Variants in PXDNL observed in about 807,000 individuals in gnomAD.
PXDNL encodes the protein peroxidasin like.
PXDNL carries 145 observed loss-of-function variants against 150.8 expected under a neutral mutation model. That is an observed-to-expected ratio of 0.96 (90% confidence interval 0.84 to 1.10). The LOEUF is 1.10. Among genes scored for constraint, PXDNL ranks in the 50% least tolerant of loss-of-function variants. PXDNL has a pLI of 0.00. For synonymous variants in PXDNL, 757 were observed against 725.7 expected (o/e 1.04, Z -0.69); for missense variants, 2,087 against 1,873.9 (o/e 1.11, Z -2.10).
intron 1 of PXDNL, among the ~76,000 whole-genome samples, chr8:51,693,858 A>C (rs1317255647): frequency 6.6e-6 from 1 of 152,228 alleles, no homozygotes; most frequent in Non-Finnish European, 1.5e-5. Context: ...ACTATAAATG[A>C]CACAAAACAT....
intron 21 of PXDNL, 109 bp downstream of exon 21, chr8:51,339,515 T>G (rs1438456954): frequency 1.7e-6 from 2 of 1,156,236 alleles, no homozygotes; most frequent in African/African-American, 3.2e-5. Context: ...TATAGGTTTT[T>G]ATTATTCTGA....
intron 17 of PXDNL, 87 bp downstream of exon 17, chr8:51,407,980 A>C: frequency 1.1e-5 from 13 of 1,203,356 alleles, no homozygotes; most frequent in Non-Finnish European, 1.5e-5. Context: ...ACCCCCAGGG[A>C]ACCAAATTCC....
intron 12 of PXDNL, among the ~76,000 whole-genome samples, chr8:51,433,813 T>C (rs1809319647): frequency 6.6e-6 from 1 of 152,190 alleles, no homozygotes. Flanking sequence ...TATATAAGAA[T>C]ATTATAAAAC....
chr8:51,334,691 C>T (rs962273680), intron 21 of PXDNL, among the ~76,000 whole-genome samples: 2 of 152,150 alleles, frequency 1.3e-5, no homozygotes, highest in African/African-American at 4.8e-5. Flanking sequence ...CTATGAACAC[C>T]TATACACATA....
chr8:51,444,751 T>A (rs1438410136), intron 12 of PXDNL, among the ~76,000 whole-genome samples: 2 of 152,140 alleles, frequency 1.3e-5, no homozygotes, highest in African/African-American at 4.8e-5. Context: ...CTATACTTTT[T>A]CTTGAATTAA....
chr8:51,803,665 T>C (rs1406032255), intron 1 of PXDNL, among the ~76,000 whole-genome samples: 2 of 152,174 alleles, frequency 1.3e-5, no homozygotes, highest in Non-Finnish European at 2.9e-5. Context: ...CCCAGCACAC[T>C]TTGGAGTTGT....
intron 1 of PXDNL, among the ~76,000 whole-genome samples, chr8:51,778,634 G>A (rs2037380897): frequency 6.6e-6 from 1 of 152,162 alleles, no homozygotes; most frequent in South Asian, 2.1e-4. Flanking sequence ...GACTGCACAT[G>A]TTGCCCAAAA....
chr8:51,644,408 GTGTGTGTATATATATACACATA>G (rs1814867377), intron 2 of PXDNL, among the ~76,000 whole-genome samples: 2 of 32,254 alleles, frequency 6.2e-5, no homozygotes, highest in Admixed American at 6.3e-4. Context: ...ATATACACAT[GTGTGTGTATATATATACACATA>G]TGTGTGTGTA....
intron 19 of PXDNL, among the ~76,000 whole-genome samples, chr8:51,352,786 ATC>A (rs1806392446): frequency 3.3e-5 from 5 of 152,208 alleles, no homozygotes; most frequent in African/African-American, 1.2e-4. Flanking sequence ...AAAGAGTGAA[ATC>A]ATGTCTTTTT....
Position 51,758,643 on chromosome 8 carries a change from G to A in PXDNL, c.164+50538C>T, listed in dbSNP as rs117891502. On this transcript the variant is annotated intron_variant, in intron 1 of 22. Coordinates refer to ENST00000356297, the MANE Select transcript of PXDNL (RefSeq NM_144651.5). ...CACGAGATCTGATGGTTTTATAAAC[G>A]TTTGGTAGTTCCTCCCAGATGCATT... Among the ~76,000 whole-genome samples the A allele has an allele frequency of 5.5e-3, 833 of 152,232 alleles. 25 individuals carry two copies. In the East Asian group the frequency reaches 0.076, roughly 14 times the overall value.
chr8:51,590,256 G>T (rs191920270), intron 3 of PXDNL, among the ~76,000 whole-genome samples: 7 of 152,028 alleles, frequency 4.6e-5, no homozygotes, highest in African/African-American at 1.4e-4. Context: ...CCTTCACCTA[G>T]ATTTCAAAGG....
At position 51,608,425 on chromosome 8, in the gene PXDNL, A is replaced by G. The variant is rs931051772; in HGVS notation, c.237-15727T>C. ...AAAAGAAAGAAAGGAAGGAAGGAAG[A>G]AAGAAAGGGGCCCAAAGTCATGATG... On this transcript the variant is annotated intron_variant, in intron 2 of 22. Coordinates refer to ENST00000356297, the MANE Select transcript of PXDNL (RefSeq NM_144651.5). Among the ~76,000 whole-genome samples the G allele has an allele frequency of 8.8e-5, 13 of 147,852 alleles. 1 individual carries two copies. Among genetic ancestry groups the G allele is most frequent in the South Asian group, 4.2e-4 (2 of 4,754 alleles).
intron 6 of PXDNL, among the ~76,000 whole-genome samples, chr8:51,477,421 T>C (rs1344885909): frequency 1.3e-5 from 2 of 152,166 alleles, no homozygotes; most frequent in Non-Finnish European, 2.9e-5. Context: ...GGGAGTGAGG[T>C]GTAAGTCATA....
chr8:51,753,799 C>T (rs563540359), intron 1 of PXDNL, among the ~76,000 whole-genome samples: 3 of 152,316 alleles, frequency 2.0e-5, no homozygotes, highest in African/African-American at 7.2e-5. Context: ...AAAGGTGGTT[C>T]CAAAAGCAGA....
chr8:51,383,741 G>A (rs548481228), intron 17 of PXDNL, among the ~76,000 whole-genome samples: 2 of 152,274 alleles, frequency 1.3e-5, no homozygotes, highest in South Asian at 4.1e-4. Flanking sequence ...GATATACAGA[G>A]AGTTGAAAGA....
chr8:51,520,740 T>C (rs1811645161), intron 4 of PXDNL, among the ~76,000 whole-genome samples: 1 of 151,778 alleles, frequency 6.6e-6, no homozygotes, highest in Non-Finnish European at 1.5e-5. Flanking sequence ...ATGCAAATCC[T>C]CACACTGAAG....
At chr8:51,553,266 G>A (rs1333891810) in intron 4 of PXDNL, among the ~76,000 whole-genome samples, 1 of 152,140 alleles carries the variant, frequency 6.6e-6, no homozygotes, top group Non-Finnish European at 1.5e-5. Flanking sequence ...TTGCACACTG[G>A]CAGCTCAATA....
At chr8:51,412,709 T>C (rs1406461628) in intron 15 of PXDNL, among the ~76,000 whole-genome samples, 1 of 152,266 alleles carries the variant, frequency 6.6e-6, no homozygotes, top group South Asian at 2.1e-4. Flanking sequence ...AAGGTTTCAC[T>C]AGTCCATGAA....
intron 17 of PXDNL, among the ~76,000 whole-genome samples, chr8:51,396,169 C>CA (rs1554534153): frequency 3.9e-5 from 6 of 152,210 alleles, no homozygotes; most frequent in African/African-American, 1.4e-4. Flanking sequence ...ATGGGCTAGA[C>CA]GGGGAATGGG....
Sources: gnomAD v4.1 joint callset for allele counts (sites outside exome capture counted in the v4.1 genomes callset) on GRCh38, gnomAD v4.1.1 for gene constraint, MANE v1.5 for transcripts, NCBI Gene and HGNC (gene_info 2026-07-23, HGNC 2026-07-21) for gene names.